USP44: variants seen among roughly 807,000 people sequenced by gnomAD.
USP44 encodes ubiquitin specific peptidase 44.
Under a neutral mutation model 69.0 loss-of-function variants are expected in USP44, and 61 were observed. That is an observed-to-expected ratio of 0.88 (90% CI 0.72 to 1.09). USP44 has a LOEUF of 1.09. Ranked by LOEUF, USP44 falls within the 50% of genes least tolerant of loss-of-function variation. The pLI is 0.00. For missense variants in USP44, 753 were observed against 849.9 expected, an observed-to-expected ratio of 0.89 and a Z score of 1.42; for synonymous variants, 297 against 295.4, an observed-to-expected ratio of 1.01 and a Z score of -0.06.
At chr12:95,522,147 G>C (rs1592669953) in intron 4 of USP44, 1 of 975,608 alleles carries the variant, frequency 1.0e-6, no homozygotes, top group East Asian at 1.1e-4. Context: ...TAACATGGTA[G>C]TTCAAGAGAT....
At chr12:95,532,692 C>T (rs2077058581) in intron 2 of USP44, 137 bp downstream of exon 2, 2 of 695,664 alleles carry the variant, frequency 2.9e-6, no homozygotes, top group South Asian at 2.6e-5. Context: ...TTTCTCTATA[C>T]ATATTTATAA....
At position 95,520,982 on chromosome 12, in the gene USP44, T is replaced by C. The variant is rs11108086; in HGVS notation, c.1939+15A>G. The C allele has an allele frequency of 0.061, 98,586 of 1,612,938 alleles. 3,397 individuals carry two copies. Among genetic ancestry groups the C allele is most frequent in the Non-Finnish European group, 0.069 (81,797 of 1,179,004 alleles). On this transcript the variant is annotated intron_variant, in intron 5 of 5. Coordinates refer to ENST00000258499, the MANE Select transcript of USP44 (RefSeq NM_032147.5). ...CAAGTCCAACCCAAGATAAAATACT[T>C]TTTCTTATCTATACCTCCTTCAGAA...
intron 1 of USP44, among the ~76,000 whole-genome samples, chr12:95,536,078 T>C (rs959154184): frequency 1.3e-5 from 2 of 148,228 alleles, no homozygotes; most frequent in African/African-American, 2.5e-5. Flanking sequence ...GGTCTTGTTC[T>C]GTCACCTAAG....
chr12:95,520,925 T>C, intron 5 of USP44, 72 bp downstream of exon 5: 1 of 1,410,596 alleles, frequency 7.1e-7, no homozygotes. Flanking sequence ...GTAGTCAATT[T>C]AGAAATCGGT....
intron 3 of USP44, among the ~76,000 whole-genome samples, chr12:95,527,325 C>T (rs1031421550): frequency 3.0e-4 from 46 of 151,922 alleles, no homozygotes; most frequent in African/African-American, 1.0e-3. Flanking sequence ...GAACTCCTGA[C>T]CTCAGGTGAT....
In USP44 at chr12:95,526,132, C is replaced by T. The variant is rs111457504; in HGVS notation, c.1625-1344G>A. On this transcript the variant is annotated intron_variant, in intron 3 of 5. Transcript: ENST00000258499. Reference sequence around the variant, plus strand: ...GCCTGTATTTGGTAGCTTTAGTAAACACATAGAAATTTGCTATAAAACCAT... The same window carrying T: ...GCCTGTATTTGGTAGCTTTAGTAAATACATAGAAATTTGCTATAAAACCAT... Among the ~76,000 whole-genome samples the T allele has an allele frequency of 3.9e-5, 6 of 152,296 alleles. 1 individual carries two copies. Among genetic ancestry groups the T allele is most frequent in the African/African-American group, 1.4e-4 (6 of 41,550 alleles).
At chr12:95,519,728 G>C (rs368807779) in intron 5 of USP44, among the ~76,000 whole-genome samples, 1 of 148,488 alleles carries the variant, frequency 6.7e-6, no homozygotes, top group African/African-American at 2.5e-5. Flanking sequence ...CACCGCGCCC[G>C]GCCCTCAATC....
intron 3 of USP44, among the ~76,000 whole-genome samples, chr12:95,526,176 C>A (rs1157106111): frequency 1.3e-5 from 2 of 152,232 alleles, no homozygotes; most frequent in African/African-American, 4.8e-5. Context: ...TTCATAACAT[C>A]ACCCCCAAAT....
Position 95,533,987 on chromosome 12 carries a change from G to A in USP44, c.270C>T (p.Asn90=), listed in dbSNP as rs1464080914. 2.5e-6 allele frequency: 4 copies of A among 1,614,118 alleles called. No individual in the cohort carries two copies. The highest frequency in any genetic ancestry group is 2.2e-5 in the East Asian group (1 of 44,878). The change falls in exon 2 of 6, where the codon AAC becomes AAT. Residue 90 remains asparagine, a synonymous_variant. Transcript: ENST00000258499. ...YLCDDYVLND[N]TTGDLKLLRR... ...GTAGTAACTTCAGGTCTCCAGTTGT[G>A]TTATCATTCAGAACATAATCATCAC...
chr12:95,546,850 A>G (rs2077587016), intron 1 of USP44: 1 of 152,236 alleles, frequency 6.6e-6, no homozygotes. Context: ...CATATAAAAC[A>G]CAGACTCTGC....
intron 4 of USP44, among the ~76,000 whole-genome samples, chr12:95,524,138 C>G (rs554713310): frequency 1.3e-5 from 2 of 151,798 alleles, no homozygotes; most frequent in South Asian, 2.1e-4. Context: ...TGGAGTGCAA[C>G]AGTGCGATAT....
chr12:95,527,986 G>A (rs560198532), intron 3 of USP44, among the ~76,000 whole-genome samples: 7 of 151,790 alleles, frequency 4.6e-5, no homozygotes, highest in East Asian at 1.9e-4. Flanking sequence ...TTACAAGTGC[G>A]TGCCACCATG....
intron 1 of USP44, among the ~76,000 whole-genome samples, chr12:95,540,646 C>T (rs939817355): frequency 2.1e-4 from 32 of 151,960 alleles, no homozygotes; most frequent in African/African-American, 7.7e-4. Flanking sequence ...CCCTGCTCTC[C>T]CTCCCATCTT....
intron 1 of USP44, among the ~76,000 whole-genome samples, chr12:95,541,295 T>A (rs899154677): frequency 2.0e-5 from 3 of 151,956 alleles, no homozygotes; most frequent in South Asian, 2.1e-4. Context: ...TAATAATAAT[T>A]AATTCTGGCT....
chr12:95,518,137 AC>A lies in USP44; in HGVS notation c.*16del, dbSNP rs770499845. ...TATATATATAAATCACAGGAAGAAAACCCCATTGTCTTTGGATCAGCTAAGG... is the reference window on the plus strand; with the variant it reads ...TATATATATAAATCACAGGAAGAAAACCCATTGTCTTTGGATCAGCTAAGG... On this transcript the variant is annotated 3_prime_UTR_variant, in exon 6 of 6. Transcript: ENST00000258499. 3 of 1,613,100 alleles carry A rather than the reference AC, an allele frequency of 1.9e-6. No homozygotes were observed. Among genetic ancestry groups the A allele is most frequent in the Admixed American group, 1.7e-5 (1 of 59,834 alleles).
chr12:95,532,698 T>C, intron 2 of USP44, 131 bp downstream of exon 2: 2 of 739,228 alleles, frequency 2.7e-6, no homozygotes, highest in Non-Finnish European at 4.2e-6. Flanking sequence ...TATACATATT[T>C]ATAAAAACAA....
chr12:95,550,183 GAAA>G (rs570350053), intron 1 of USP44, among the ~76,000 whole-genome samples: 7,638 of 93,270 alleles, frequency 0.082, 390 homozygotes, highest in East Asian at 0.35. Context: ...CTCCGTCTCA[GAAA>G]AAAAAAAAAA....
chr12:95,521,406 G>GA (rs917468509), intron 4 of USP44, among the ~76,000 whole-genome samples: 1 of 151,704 alleles, frequency 6.6e-6, no homozygotes, highest in Non-Finnish European at 1.5e-5. Flanking sequence ...GATAATGTAG[G>GA]AAAAAAAAAT....
chr12:95,535,611 G>A lies in USP44; in HGVS notation c.-70-1285C>T, dbSNP rs185370609. Among the ~76,000 whole-genome samples, 705 of 152,268 alleles carry A rather than the reference G, an allele frequency of 4.6e-3. 7 individuals are homozygous for A. Among genetic ancestry groups the A allele is most frequent in the African/African-American group, 0.016 (676 of 41,556 alleles). On this transcript the variant is annotated intron_variant, in intron 1 of 5. Coordinates refer to ENST00000258499, the MANE Select transcript of USP44 (RefSeq NM_032147.5). Reference sequence around the variant, plus strand: ...AGCTTATTTTTTTAAAAAAGCTTATGTGATTTTTGACACAGAACTTGTTCC... The same window carrying A: ...AGCTTATTTTTTTAAAAAAGCTTATATGATTTTTGACACAGAACTTGTTCC...
Sources: allele counts gnomAD v4.1 joint callset (sites outside exome capture counted in the v4.1 genomes callset), GRCh38; gene constraint gnomAD v4.1.1; transcripts MANE v1.5; gene names NCBI Gene and HGNC (gene_info 2026-07-23, HGNC 2026-07-21).